Variants in FARP2 observed in about 807,000 individuals in gnomAD.
The protein encoded by FARP2 is FERM, ARH/RhoGEF and pleckstrin domain protein 2, also known as FERM, ARHGEF and pleckstrin domain-containing protein 2.
A neutral mutation model predicts 130.5 loss-of-function variants in FARP2; 111 were observed. The ratio of observed to expected loss-of-function variants is 0.85; its 90% CI spans 0.73 to 1.00. The LOEUF (loss-of-function observed/expected upper bound fraction) is 1.00, where lower values mean the gene tolerates loss of function less well. Among genes scored for constraint, FARP2 ranks in the 50% least tolerant of loss-of-function variants. The pLI is 0.00. For missense variants in FARP2, 1,385 were observed against 1,346.3 expected (o/e 1.03, Z -0.45); for synonymous variants, 504 against 516.9 (o/e 0.98, Z 0.34).
At chr2:241,418,715 T>C (rs1370553991) in intron 8 of FARP2, among the ~76,000 whole-genome samples, 1 of 152,188 alleles carries the variant, frequency 6.6e-6, no homozygotes, top group African/African-American at 2.4e-5. Flanking sequence ...TTTGTGGTTA[T>C]GTGTGTGTAT....
intron 7 of FARP2, 123 bp downstream of exon 7, chr2:241,413,544 C>A: frequency 1.4e-6 from 1 of 712,140 alleles, no homozygotes. Context: ...TTGCTCCTGG[C>A]CTCAGGATGT....
rs2150373064 is a variant in FARP2, at chr2:241,418,034, A to G, written c.696A>G (p.Arg232=). The stretch of plus-strand genomic sequence containing the variant: ...GAAAGTTGGAAATGTACGGCATCAG[A>G]TTTCACATGGCTTCTGACAGGGAAG... The part of the protein sequence containing the change: ...IARKLEMYGI[R]FHMASDREGT... The change falls in exon 8 of 27, where the codon AGA becomes AGG. Residue 232 remains arginine, a synonymous_variant. Coordinates refer to ENST00000264042, the MANE Select transcript of FARP2 (RefSeq NM_014808.4). 2.5e-6 allele frequency: 4 copies of G among 1,614,168 alleles called. No homozygotes were observed. Among genetic ancestry groups the G allele is most frequent in the Non-Finnish European group, 3.4e-6 (4 of 1,180,044 alleles).
intron 18 of FARP2, among the ~76,000 whole-genome samples, chr2:241,471,742 G>A (rs910269430): frequency 5.9e-5 from 9 of 152,106 alleles, no homozygotes; most frequent in East Asian, 1.9e-4. Flanking sequence ...TGATCCGCCC[G>A]CCTCAGCCTC....
chr2:241,461,580 C>T (rs1392830558), intron 14 of FARP2, among the ~76,000 whole-genome samples: 1 of 152,218 alleles, frequency 6.6e-6, no homozygotes, highest in Non-Finnish European at 1.5e-5. Flanking sequence ...CTCTGCTCTG[C>T]GTTATGTCTT....
chr2:241,413,014 C>T (rs890413807), intron 6 of FARP2, among the ~76,000 whole-genome samples: 7 of 152,120 alleles, frequency 4.6e-5, no homozygotes, highest in African/African-American at 1.7e-4. Context: ...GTCAACAGAA[C>T]GAGACCTTGT....
In FARP2 at chr2:241,373,888, C is replaced by G. The variant is rs1443203657; in HGVS notation, c.183+598C>G. Among the ~76,000 whole-genome samples the G allele has an allele frequency of 2.6e-5, 4 of 152,106 alleles. No individual in the cohort carries two copies. In the East Asian group the frequency reaches 7.7e-4, roughly 29 times the overall value. On this transcript the variant is annotated intron_variant, in intron 2 of 26. Coordinates refer to ENST00000264042, the MANE Select transcript of FARP2 (RefSeq NM_014808.4). ...ATATTAGCAAGAACAATTAAATATACTAAGAATATATGCATATATCAATAT... is the reference window on the plus strand; with the variant it reads ...ATATTAGCAAGAACAATTAAATATAGTAAGAATATATGCATATATCAATAT...
At chr2:241,484,595 C>G (rs919744302) in intron 21 of FARP2, among the ~76,000 whole-genome samples, 2 of 152,210 alleles carry the variant, frequency 1.3e-5, no homozygotes, top group African/African-American at 4.8e-5. Context: ...AGCCTGTGGT[C>G]TCTGTCAGCA....
intron 13 of FARP2, among the ~76,000 whole-genome samples, chr2:241,453,774 T>G (rs1018021663): frequency 5.4e-4 from 26 of 48,186 alleles, no homozygotes; most frequent in African/African-American, 3.4e-4. Context: ...TACTGGTTTT[T>G]TTTTTTTTTT....
chr2:241,405,352 T>A (rs1323031191), intron 4 of FARP2: 1 of 152,136 alleles, frequency 6.6e-6, no homozygotes, highest in African/African-American at 2.4e-5. Context: ...CCCACCTCAG[T>A]CTCAAGATAA....
chr2:241,434,155 T>C lies in FARP2; in HGVS notation c.868-3T>C, dbSNP rs2063160025. The stretch of plus-strand genomic sequence containing the variant: ...TTAATTAACCTTTGTGTTTTGTTTC[T>C]AGGGACCTTACCAGGACACATTAGA... On this transcript the variant is annotated splice_polypyrimidine_tract_variant and splice_region_variant and intron_variant, in intron 9 of 26. Coordinates refer to ENST00000264042, the MANE Select transcript of FARP2 (RefSeq NM_014808.4). The C allele has an allele frequency of 1.9e-6, 3 of 1,594,016 alleles. No homozygotes were observed. The highest frequency in any genetic ancestry group is 2.3e-5 in the South Asian group (2 of 87,344).
intron 2 of FARP2, among the ~76,000 whole-genome samples, chr2:241,376,914 T>C (rs1184313472): frequency 6.6e-6 from 1 of 152,218 alleles, no homozygotes; most frequent in Non-Finnish European, 1.5e-5. Context: ...CTGTATTGTA[T>C]CTACTTCTGT....
At chr2:241,440,323 C>T (rs1249270298) in intron 12 of FARP2, among the ~76,000 whole-genome samples, 2 of 152,170 alleles carry the variant, frequency 1.3e-5, no homozygotes, top group Admixed American at 6.6e-5. Context: ...GACTGCATCC[C>T]GTGATAGCGC....
intron 21 of FARP2, chr2:241,488,820 G>A (rs1172689293): frequency 1.3e-5 from 2 of 152,100 alleles, no homozygotes; most frequent in South Asian, 4.2e-4. Flanking sequence ...CTTTGCACTC[G>A]AGTTCTTTCT....
At chr2:241,471,861 A>G (rs1446571919) in intron 18 of FARP2, among the ~76,000 whole-genome samples, 1 of 108,844 alleles carries the variant, frequency 9.2e-6, no homozygotes, top group Non-Finnish European at 2.0e-5. Flanking sequence ...GCTGTTCTGA[A>G]GGGAACCTGT....
At chr2:241,425,794 G>T in intron 8 of FARP2, among the ~76,000 whole-genome samples, 1 of 145,918 alleles carries the variant, frequency 6.9e-6, no homozygotes. Context: ...GCCCAGGCTG[G>T]AGTGCAATGT....
chr2:241,450,182 A>G (rs2150436040), intron 13 of FARP2, among the ~76,000 whole-genome samples: 1 of 152,084 alleles, frequency 6.6e-6, no homozygotes, highest in South Asian at 2.1e-4. Flanking sequence ...TGAGCAACAT[A>G]GCAAGACCCC....
intron 7 of FARP2, among the ~76,000 whole-genome samples, chr2:241,417,588 G>A (rs559829283): frequency 6.6e-6 from 1 of 152,156 alleles, no homozygotes; most frequent in Admixed American, 6.5e-5. Flanking sequence ...CTCCCAAGGT[G>A]CTGGGATTAC....
At chr2:241,453,352 G>C (rs370394720) in intron 13 of FARP2, among the ~76,000 whole-genome samples, 2 of 151,538 alleles carry the variant, frequency 1.3e-5, no homozygotes, top group African/African-American at 4.9e-5. Context: ...GCTGGGCGCG[G>C]TGGCTCATGC....
At chr2:241,464,985 C>T (rs1354548832) in intron 17 of FARP2, among the ~76,000 whole-genome samples, 2 of 152,152 alleles carry the variant, frequency 1.3e-5, no homozygotes, top group Non-Finnish European at 2.9e-5. Flanking sequence ...CAGCATACCC[C>T]TCACAACAGG....
Sources: gnomAD v4.1 joint callset for allele counts (sites outside exome capture counted in the v4.1 genomes callset) on GRCh38, gnomAD v4.1.1 for gene constraint, MANE v1.5 for transcripts, NCBI Gene and HGNC (gene_info 2026-07-23, HGNC 2026-07-21) for gene names.